The following SLC26A5 variants were observed in gnomAD, a reference collection of about 807,000 sequenced individuals.
SLC26A5 encodes solute carrier family 26 member 5.
Under a neutral mutation model 81.0 loss-of-function variants are expected in SLC26A5, and 51 were observed. That is an observed-to-expected ratio of 0.63 (90% CI 0.50 to 0.80). SLC26A5 has a LOEUF of 0.80. Ranked by LOEUF, SLC26A5 falls within the 30% of genes least tolerant of loss-of-function variation. The pLI, the probability that SLC26A5 is intolerant of heterozygous loss-of-function variation, is 0.00. For synonymous variants in SLC26A5, 325 were observed against 332.8 expected (o/e 0.98, Z 0.25); for missense variants, 771 against 905.8 (o/e 0.85, Z 1.91).
At chr7:103,424,907 A>G (rs1327045496) in intron 2 of SLC26A5, among the ~76,000 whole-genome samples, 2 of 152,204 alleles carry the variant, frequency 1.3e-5, no homozygotes, top group African/African-American at 2.4e-5. Context: ...TGAGGCCTAA[A>G]CAATGGGTAT....
At chr7:103,412,882 T>C (rs915921909) in intron 5 of SLC26A5, 120 bp downstream of exon 5, 1 of 756,482 alleles carries the variant, frequency 1.3e-6, no homozygotes. Flanking sequence ...CTATTGTGTA[T>C]GCAGTAACAA....
At chr7:103,430,807 T>A (rs1398348577) in intron 2 of SLC26A5, among the ~76,000 whole-genome samples, 2 of 152,218 alleles carry the variant, frequency 1.3e-5, no homozygotes, top group Non-Finnish European at 2.9e-5. Flanking sequence ...ATCTTTTAAG[T>A]CCATGAAAGG....
In SLC26A5 at chr7:103,380,473, G is replaced by C. The variant is rs745995072; in HGVS notation, c.1584+7C>G. The stretch of plus-strand genomic sequence containing the variant: ...CAACCTTTTTAAGTGATAGAAAAAG[G>C]TCCTACCTCCTCATATGCGTCTATA... On this transcript the variant is annotated splice_region_variant and intron_variant, in intron 15 of 19. Transcript: ENST00000306312. 1 of 1,611,938 alleles carries C rather than the reference G, an allele frequency of 6.2e-7. No individual in the cohort carries two copies. Among genetic ancestry groups the C allele is most frequent in the Non-Finnish European group, 8.5e-7 (1 of 1,178,178 alleles).
At chr7:103,424,827 T>C (rs1318086509) in intron 2 of SLC26A5, among the ~76,000 whole-genome samples, 1 of 152,124 alleles carries the variant, frequency 6.6e-6, no homozygotes. Context: ...ACCACAATGG[T>C]CTGGGGAGGG....
rs770274027 is a variant in SLC26A5, at chr7:103,390,447, G to A, written c.1293C>T (p.Leu431=). ...CACACACCTGGGGCAATGATTCAAA[G>A]AGGAATCCAGTTGCTAATATGACCA... is the stretch of plus-strand genomic sequence containing the variant. ...ILLVILATGF[L]FESLPQAVLS... Residue 431 remains leucine, a synonymous_variant, in exon 12 of 20, where the codon CTC becomes CTT. Transcript: ENST00000306312. 1.2e-6 allele frequency: 2 copies of A among 1,614,000 alleles called. No individual in the cohort carries two copies. The highest frequency in any genetic ancestry group is 2.7e-5 in the African/African-American group (2 of 74,922).
In SLC26A5 at chr7:103,378,514, T is replaced by C. The variant is rs751353325; in HGVS notation, c.1717A>G (p.Lys573Glu). Residue 573 changes from lysine (K) to glutamate (E), a missense_variant, in exon 17 of 20, where the codon AAG becomes GAG. Physicochemically the swap from Lys to Glu is moderately conservative, Grantham distance 56. Transcript: ENST00000306312. ...NPAVIMGARR[K>E]AMRKYAKEVG... ...TCCTTAGCGTACTTCCGCATGGCCT[T>C]TCTCCTTGCTCCCATGATGACTGCT... 8.7e-6 allele frequency: 14 copies of C among 1,614,150 alleles called. No individual in the cohort carries two copies.
chr7:103,363,308 G>T, intron 19 of SLC26A5: 1 of 1,526,676 alleles, frequency 6.6e-7, no homozygotes. Flanking sequence ...CAAAAAGCCT[G>T]TGACTGTATG....
intron 4 of SLC26A5, among the ~76,000 whole-genome samples, chr7:103,414,172 T>C (rs1330109232): frequency 7.3e-6 from 1 of 136,854 alleles, no homozygotes. Flanking sequence ...TTTACTGTCT[T>C]TGAAGTTTTG....
downstream of SLC26A5, among the ~76,000 whole-genome samples, chr7:103,371,789 G>A (rs1821057016): frequency 6.7e-6 from 1 of 149,410 alleles, no homozygotes; most frequent in Admixed American, 6.7e-5. Flanking sequence ...TCCGCCTCCT[G>A]GGTTCATTCC....
chr7:103,439,851 A>G (rs1437140437), intron 2 of SLC26A5, among the ~76,000 whole-genome samples: 1 of 152,166 alleles, frequency 6.6e-6, no homozygotes, highest in Non-Finnish European at 1.5e-5. Context: ...CTGTTTTATG[A>G]ACATGCCAAG....
At chr7:103,416,661 T>C (rs1824935146) in intron 4 of SLC26A5, among the ~76,000 whole-genome samples, 1 of 152,136 alleles carries the variant, frequency 6.6e-6, no homozygotes, top group Non-Finnish European at 1.5e-5. Flanking sequence ...CGTACCTACA[T>C]TTCAGCTTCC....
At chr7:103,354,862 A>G in intron 19 of SLC26A5, 2 of 1,593,842 alleles carry the variant, frequency 1.3e-6, no homozygotes, top group Non-Finnish European at 1.7e-6. Flanking sequence ...GACCTTCATC[A>G]CCTAGGGTCA....
rs570730242 is a variant in SLC26A5, at chr7:103,408,038, G to T, written c.736-35C>A. 6.2e-6 allele frequency: 10 copies of T among 1,613,602 alleles called. No homozygotes were observed. The Admixed American group carries it at 1.2e-4, about 19-fold the overall frequency. ...AGTGAATGCTGGATGTTTACATCAAGAAATCGCCCCTGAGAGAGACAGAGA... is the reference window on the plus strand; with the variant it reads ...AGTGAATGCTGGATGTTTACATCAATAAATCGCCCCTGAGAGAGACAGAGA... On this transcript the variant is annotated intron_variant, in intron 7 of 19. Transcript: ENST00000306312.
chr7:103,358,892 G>C (rs1248498812), intron 19 of SLC26A5, among the ~76,000 whole-genome samples: 2 of 151,814 alleles, frequency 1.3e-5, no homozygotes, highest in East Asian at 1.9e-4. Context: ...AGAAAGCAAA[G>C]ATTATTTTGA....
intron 14 of SLC26A5, among the ~76,000 whole-genome samples, chr7:103,386,256 AC>A (rs1276960805): frequency 4.6e-5 from 7 of 151,124 alleles, no homozygotes; most frequent in African/African-American, 1.7e-4. Flanking sequence ...AAAAAAAAAA[AC>A]TTGCTGGACT....
rs144115730 is a variant in SLC26A5, at chr7:103,374,466, T to C, written c.2168A>G (p.Glu723Gly). 8.1e-5 allele frequency: 131 copies of C among 1,613,516 alleles called. No individual in the cohort carries two copies. In the African/African-American group the frequency reaches 1.7e-3, roughly 21 times the overall value. Residue 723 changes from glutamate to glycine, a missense_variant, in exon 20 of 20, where the codon GAA (glutamate) becomes GGA (glycine). Physicochemically the swap from Glu to Gly is moderately conservative, Grantham distance 98. Transcript: ENST00000306312. ...CTCCTGGGAAGGGGGAGCCGAGGCT[T>C]CCTGTTCAGCAAGTGCCTCTCTAAG... is the stretch of plus-strand genomic sequence containing the variant. ...SQLREALAEQ[E>G]ASAPPSQEDL...
chr7:103,389,694 C>T (rs1464835869), intron 12 of SLC26A5, among the ~76,000 whole-genome samples: 2 of 152,140 alleles, frequency 1.3e-5, no homozygotes, highest in Non-Finnish European at 2.9e-5. Context: ...GTAATCTTGG[C>T]TAACTGCAAC....
chr7:103,354,996 G>A, intron 19 of SLC26A5: 1 of 1,216,848 alleles, frequency 8.2e-7, no homozygotes, highest in South Asian at 1.3e-5. Context: ...TGTAATGTGT[G>A]AATAATATCA....
intron 8 of SLC26A5, among the ~76,000 whole-genome samples, chr7:103,401,487 A>G (rs373383571): frequency 2.6e-5 from 4 of 152,240 alleles, no homozygotes; most frequent in African/African-American, 7.2e-5. Flanking sequence ...TTTTCTAAAT[A>G]TAAAATAATG....
Sources: gnomAD v4.1 joint callset for allele counts (sites outside exome capture counted in the v4.1 genomes callset) on GRCh38, gnomAD v4.1.1 for gene constraint, MANE v1.5 for transcripts, NCBI Gene and HGNC (gene_info 2026-07-23, HGNC 2026-07-21) for gene names.